The following CD82 variants were observed in gnomAD, a reference collection of about 807,000 sequenced individuals.
CD82 encodes the protein CD82 molecule.
In CD82, 36 loss-of-function variants were observed where a neutral mutation model predicts 37.4. That is an observed-to-expected ratio of 0.96 (90% CI 0.74 to 1.27). The LOEUF is 1.27. Ranked by LOEUF, CD82 falls within the 50% of genes most tolerant of loss-of-function variation. The pLI, the probability that CD82 is intolerant of heterozygous loss-of-function variation, is 0.00. For synonymous variants in CD82, 158 were observed against 137.4 expected, an observed-to-expected ratio of 1.15 and a Z score of -1.05; for missense variants, 340 against 347.0, an observed-to-expected ratio of 0.98 and a Z score of 0.16.
At chr11:44,566,858 T>C (rs1852743238) in intron 1 of CD82, among the ~76,000 whole-genome samples, 1 of 151,756 alleles carries the variant, frequency 6.6e-6, no homozygotes, top group African/African-American at 2.4e-5. Flanking sequence ...AAGCCAGAAA[T>C]TGCCACCTGC....
At chr11:44,598,840 T>C (rs1001553473) in intron 3 of CD82, among the ~76,000 whole-genome samples, 1 of 152,292 alleles carries the variant, frequency 6.6e-6, no homozygotes, top group Admixed American at 6.5e-5. Context: ...TATGGGATGA[T>C]GGCTGAGGTG....
At chr11:44,615,410 T>C in intron 7 of CD82, 37 bp downstream of exon 7, 1 of 1,281,980 alleles carries the variant, frequency 7.8e-7, no homozygotes, top group Non-Finnish European at 1.1e-6. Flanking sequence ...CTCTCTGGCC[T>C]GGGTGTCCCT....
chr11:44,581,680 T>C (rs763419031), intron 1 of CD82, among the ~76,000 whole-genome samples: 51 of 152,240 alleles, frequency 3.3e-4, no homozygotes, highest in Non-Finnish European at 5.4e-4. Flanking sequence ...CTGCAGTGGA[T>C]GGTGGCTCAG....
chr11:44,599,135 C>T (rs1355559237), intron 3 of CD82, among the ~76,000 whole-genome samples: 1 of 152,108 alleles, frequency 6.6e-6, no homozygotes, highest in East Asian at 1.9e-4. Context: ...ATTTGTAACA[C>T]CTCATTCATT....
chr11:44,587,716 G>A (rs1853077640), intron 2 of CD82, 160 bp downstream of exon 2: 4 of 403,802 alleles, frequency 9.9e-6, no homozygotes, highest in Non-Finnish European at 2.0e-5. Context: ...ACAGCATTTA[G>A]AGTCCTGGAG....
At chr11:44,576,594 G>T (rs868309141) in intron 1 of CD82, among the ~76,000 whole-genome samples, 2 of 152,212 alleles carry the variant, frequency 1.3e-5, no homozygotes, top group African/African-American at 4.8e-5. Flanking sequence ...GGGTCTTGCA[G>T]TGGGAGGGCA....
intron 6 of CD82, chr11:44,608,227 G>T (rs552885856): frequency 6.6e-6 from 1 of 152,322 alleles, no homozygotes; most frequent in Non-Finnish European, 1.5e-5. Flanking sequence ...CTAAGGAAAA[G>T]AAAGGCCTTT....
chr11:44,572,621 AAG>A (rs1852829976), intron 1 of CD82, among the ~76,000 whole-genome samples: 1 of 75,864 alleles, frequency 1.3e-5, no homozygotes, highest in Non-Finnish European at 2.7e-5. Flanking sequence ...GCTGGGAGAC[AAG>A]AGTTAGATAT....
At chr11:44,576,869 C>T (rs1195435659) in intron 1 of CD82, among the ~76,000 whole-genome samples, 1 of 152,156 alleles carries the variant, frequency 6.6e-6, no homozygotes, top group African/African-American at 2.4e-5. Context: ...CAGGGAGTTG[C>T]CCAGGATCCC....
chr11:44,585,781 G>A lies in CD82; in HGVS notation c.-102-1694G>A, dbSNP rs571277806. ...AGGAGCTCCAGACTGGGAATCTTAA[G>A]TTCTCCACTTCATGCTTAGCCCAAG... On this transcript the variant is annotated intron_variant, in intron 1 of 9. Transcript: ENST00000227155. Among the ~76,000 whole-genome samples the A allele has an allele frequency of 3.9e-5, 6 of 152,324 alleles. No homozygotes were observed. In the East Asian group the frequency reaches 1.2e-3, roughly 29 times the overall value.
At position 44,605,146 on chromosome 11, in the gene CD82, C is replaced by G. The variant is rs759521623; in HGVS notation, c.225C>G (p.Ile75Met). Residue 75 changes from isoleucine to methionine, a missense_variant, in exon 5 of 10, where the codon ATC becomes ATG. Coordinates refer to ENST00000227155, the MANE Select transcript of CD82 (RefSeq NM_002231.4). ...TGCTCATGGGCTTCCTGGGCTGCAT[C>G]GGCGCCGTCAACGAGGTCCGCTGCC... Reference protein sequence around the residue: ...VTMLMGFLGCIGAVNEVRCLL... With the variant: ...VTMLMGFLGCMGAVNEVRCLL... 3.1e-6 allele frequency: 5 copies of G among 1,614,168 alleles called. No homozygotes were observed. Among genetic ancestry groups the G allele is most frequent in the Non-Finnish European group, 3.4e-6 (4 of 1,180,032 alleles).
At chr11:44,592,504 C>T (rs1408676525) in intron 2 of CD82, among the ~76,000 whole-genome samples, 16 of 152,172 alleles carry the variant, frequency 1.1e-4, no homozygotes, top group Admixed American at 3.3e-4. Flanking sequence ...GAACAGATGC[C>T]GCCTGGCTTT....
At chr11:44,613,168 C>A (rs1431717715) in intron 6 of CD82, among the ~76,000 whole-genome samples, 1 of 152,188 alleles carries the variant, frequency 6.6e-6, no homozygotes, top group Non-Finnish European at 1.5e-5. Flanking sequence ...GGTGTGTGGC[C>A]TTCTCCTTGG....
intron 6 of CD82, among the ~76,000 whole-genome samples, chr11:44,609,332 T>C (rs1327293483): frequency 2.0e-5 from 3 of 152,052 alleles, no homozygotes; most frequent in Non-Finnish European, 4.4e-5. Flanking sequence ...GAGAAGGAAG[T>C]GAATGCAGTT....
intron 4 of CD82, among the ~76,000 whole-genome samples, chr11:44,601,333 A>G (rs1853305830): frequency 7.1e-6 from 1 of 141,744 alleles, no homozygotes; most frequent in East Asian, 2.2e-4. Context: ...GATGGAAAGC[A>G]AGGATGATCT....
intron 2 of CD82, among the ~76,000 whole-genome samples, chr11:44,588,093 A>T (rs1325275572): frequency 6.6e-6 from 1 of 152,236 alleles, no homozygotes; most frequent in Non-Finnish European, 1.5e-5. Flanking sequence ...ACAGGTAAGT[A>T]GAAAGTGACT....
intron 7 of CD82, among the ~76,000 whole-genome samples, chr11:44,617,423 A>G (rs1372614038): frequency 2.0e-5 from 3 of 152,020 alleles, no homozygotes; most frequent in African/African-American, 7.2e-5. Flanking sequence ...GCCGGGCGTG[A>G]TGGCGAGTGC....
chr11:44,584,031 T>C (rs922219752), intron 1 of CD82, among the ~76,000 whole-genome samples: 1 of 152,110 alleles, frequency 6.6e-6, no homozygotes, highest in African/African-American at 2.4e-5. Context: ...GAAGGTCTGA[T>C]TTGGATGTGT....
intron 2 of CD82, among the ~76,000 whole-genome samples, chr11:44,588,089 A>G (rs1311266574): frequency 3.3e-5 from 5 of 152,228 alleles, no homozygotes; most frequent in Non-Finnish European, 7.3e-5. Flanking sequence ...AGGGACAGGT[A>G]AGTAGAAAGT....
Sources: allele counts gnomAD v4.1 joint callset (sites outside exome capture counted in the v4.1 genomes callset), GRCh38; gene constraint gnomAD v4.1.1; transcripts MANE v1.5; gene names NCBI Gene and HGNC (gene_info 2026-07-23, HGNC 2026-07-21).